GCLM: variants seen among roughly 807,000 people sequenced by gnomAD.
GCLM encodes glutamate--cysteine ligase regulatory subunit.
Under a neutral mutation model 36.0 loss-of-function variants are expected in GCLM, and 15 were observed. The observed-to-expected ratio is 0.42, with a 90% CI of 0.28 to 0.64. The LOEUF is 0.64. Ranked by LOEUF, GCLM falls within the 30% of genes least tolerant of loss-of-function variation. The pLI is 0.25. For synonymous variants in GCLM, 129 were observed against 122.8 expected, an observed-to-expected ratio of 1.05 and a Z score of -0.34; for missense variants, 242 against 325.5, an observed-to-expected ratio of 0.74 and a Z score of 1.97.
intron 3 of GCLM, among the ~76,000 whole-genome samples, chr1:93,898,948 G>A (rs1044883708): frequency 4.6e-5 from 7 of 152,016 alleles, no homozygotes; most frequent in East Asian, 1.9e-4. Context: ...TAGAAATAAC[G>A]AAGACCTATA....
In GCLM at chr1:93,909,219, A is replaced by T. The variant is rs1657271225; in HGVS notation, c.-56T>A. 2.6e-6 allele frequency: 3 copies of T among 1,136,016 alleles called. No individual in the cohort carries two copies. Among genetic ancestry groups the T allele is most frequent in the Non-Finnish European group, 3.2e-6 (3 of 929,308 alleles). 70.4% of individuals were successfully genotyped at this position (1,136,016 alleles called of 1,614,324 possible). On this transcript the variant is annotated 5_prime_UTR_variant, in exon 1 of 7. Coordinates refer to ENST00000370238, the MANE Select transcript of GCLM (RefSeq NM_002061.4). ...AGGGGCTGCGGGCGGGCGGGCAGGCAGGCGGCCGCCCCACAGGACGCGGTG... is the reference window on the plus strand; with the variant it reads ...AGGGGCTGCGGGCGGGCGGGCAGGCTGGCGGCCGCCCCACAGGACGCGGTG...
rs1465796419 is a variant in GCLM at position 93,909,152 on chromosome 1, G to T, written c.12C>A (p.Asp4Glu). 46 of 1,367,178 alleles carry T rather than the reference G, an allele frequency of 3.4e-5. No individual in the cohort carries two copies. Among genetic ancestry groups the T allele is most frequent in the Non-Finnish European group, 4.4e-5 (46 of 1,055,622 alleles). The allele number at this position is 1,367,178 out of a possible 1,614,324, so 84.7% of individuals were successfully genotyped here. ...CCAGGAGCGCCTTGGCCGCGCGGCT[G>T]TCGGTGCCCATGGCAGCGGCCGCCC... MGTDSRAAKALLAR... is the reference protein window; with the variant it reads MGTESRAAKALLAR... Residue 4 changes from aspartate (D) to glutamate (E), a missense_variant, in exon 1 of 7, where the codon GAC (aspartate) becomes GAA (glutamate). By Grantham distance (45) the Asp-to-Glu change is conservative (BLOSUM62 2). Transcript: ENST00000370238.
At position 93,889,021 on chromosome 1, in the gene GCLM, T is replaced by C; in HGVS notation, c.794A>G (p.Tyr265Cys). ...ACCCCTTCTTTTAGCTTGTAAAATG[T>C]AGCCTTTTGATTTGATAATTCCTCT... ...KSRGIIKSKG[Y>C]ILQAKRRGS The change falls in exon 7 of 7, where the codon TAC (tyrosine) becomes TGC (cysteine). Residue 265 changes from tyrosine to cysteine, a missense_variant. By Grantham distance (194) the Tyr-to-Cys change is radical. Coordinates refer to ENST00000370238, the MANE Select transcript of GCLM (RefSeq NM_002061.4). The C allele has an allele frequency of 6.3e-7, 1 of 1,598,400 alleles. No individual in the cohort carries two copies. The highest frequency in any genetic ancestry group is 8.5e-7 in the Non-Finnish European group (1 of 1,172,986).
Position 93,886,000 on chromosome 1 carries a change from AATT to A in GCLM, c.*2987_*2989del, listed in dbSNP as rs1037001067. 4 of 152,178 alleles carry A rather than the reference AATT, an allele frequency of 2.6e-5. No homozygotes were observed. The highest frequency in any genetic ancestry group is 2.6e-4 in the Admixed American group (4 of 15,280). 9.4% of individuals were successfully genotyped at this position (152,178 alleles called of 1,614,324 possible). ...AAATGATCTTTTTTGAAAAATGAAA[AATT>A]ATTAGCTATTATTTGTGATTCAATT... On this transcript the variant is annotated 3_prime_UTR_variant, in exon 7 of 7. Coordinates refer to ENST00000370238, the MANE Select transcript of GCLM (RefSeq NM_002061.4).
At chr1:93,894,511 T>C in intron 6 of GCLM, 103 bp downstream of exon 6, 1 of 670,646 alleles carries the variant, frequency 1.5e-6, no homozygotes, top group Non-Finnish European at 2.7e-6. Context: ...CAGATAACAC[T>C]GTATTTTTAT....
rs143382844 is a variant in GCLM, at chr1:93,897,865, G to A, written c.311C>T (p.Ser104Leu). 6.8e-4 allele frequency: 1,060 copies of A among 1,552,920 alleles called. 2 individuals carry two copies. The highest frequency in any genetic ancestry group is 1.3e-3 in the Admixed American group (60 of 44,998). ...CATGTCAACTGCACTTCTAGTTGAT[G>A]ATGAAGAGTTTGATTCTACAATGAA... ...KLFIVESNSS[S>L]STRSAVDMAC... Residue 104 changes from serine (S) to leucine (L), a missense_variant, in exon 4 of 7, where the codon TCA becomes TTA. By Grantham distance (145) the Ser-to-Leu change is moderately radical. Coordinates refer to ENST00000370238, the MANE Select transcript of GCLM (RefSeq NM_002061.4).
At chr1:93,892,048 ATTTG>A (rs1656555320) in intron 6 of GCLM, among the ~76,000 whole-genome samples, 2 of 152,134 alleles carry the variant, frequency 1.3e-5, no homozygotes, top group African/African-American at 2.4e-5. Flanking sequence ...ATTAATATGG[ATTTG>A]TTTATCAGAT....
At position 93,909,247 on chromosome 1, in the gene GCLM, C is replaced by T. The variant is rs1657271835; in HGVS notation, c.-84G>A. 3 of 1,097,260 alleles carry T rather than the reference C, an allele frequency of 2.7e-6. No individual in the cohort carries two copies. The highest frequency in any genetic ancestry group is 3.3e-6 in the Non-Finnish European group (3 of 904,884). 68.0% of individuals were successfully genotyped at this position (1,097,260 alleles called of 1,614,324 possible). A position where few individuals can be genotyped will look rare whatever the true frequency, so the allele number is the denominator to read the frequency against. Reference sequence around the variant, plus strand: ...CGGCCGCCCCACAGGACGCGGTGCCCGAGGCCCGAGAGAGACCCGAGAGGG... The same window carrying T: ...CGGCCGCCCCACAGGACGCGGTGCCTGAGGCCCGAGAGAGACCCGAGAGGG... On this transcript the variant is annotated 5_prime_UTR_variant, in exon 1 of 7. Coordinates refer to ENST00000370238, the MANE Select transcript of GCLM (RefSeq NM_002061.4).
At position 93,887,954 on chromosome 1, in the gene GCLM, A is replaced by G. The variant is rs1345433023; in HGVS notation, c.*1036T>C. On this transcript the variant is annotated 3_prime_UTR_variant, in exon 7 of 7. Transcript: ENST00000370238. Reference sequence around the variant, plus strand: ...AGTCTCTTTTAGCTATAAACTTTCAATTATATTATTCTGCTTTAAAATAAT... The same window carrying G: ...AGTCTCTTTTAGCTATAAACTTTCAGTTATATTATTCTGCTTTAAAATAAT... The G allele has an allele frequency of 1.3e-5, 2 of 152,218 alleles. No individual in the cohort carries two copies. The highest frequency in any genetic ancestry group is 2.9e-5 in the Non-Finnish European group (2 of 68,040). The allele number at this position is 152,218 out of a possible 1,614,324, so 9.4% of individuals were successfully genotyped here.
At chr1:93,894,775 A>C (rs370374424) in intron 5 of GCLM, 47 bp from the exon 6 acceptor site, 1 of 865,708 alleles carries the variant, frequency 1.2e-6, no homozygotes, top group African/African-American at 1.7e-5. Context: ...ATTAAATATA[A>C]TACCAAAAGT....
At chr1:93,889,242 A>T in intron 6 of GCLM, 83 bp from the exon 7 acceptor site, 1 of 853,370 alleles carries the variant, frequency 1.2e-6, no homozygotes, top group African/African-American at 1.7e-5. Flanking sequence ...TAAGCATTTA[A>T]CATAACAAAA....
intron 6 of GCLM, among the ~76,000 whole-genome samples, chr1:93,892,871 C>A (rs1440508576): frequency 9.2e-5 from 14 of 151,962 alleles, no homozygotes; most frequent in African/African-American, 2.7e-4. Context: ...CTGTTGGTAA[C>A]AATTACTGTT....
At chr1:93,907,812 T>C (rs1219027667) in intron 1 of GCLM, among the ~76,000 whole-genome samples, 1 of 152,198 alleles carries the variant, frequency 6.6e-6, no homozygotes, top group African/African-American at 2.4e-5. Flanking sequence ...AGTTCTCATC[T>C]CTTGATGGGC....
intron 5 of GCLM, among the ~76,000 whole-genome samples, chr1:93,896,202 C>A (rs1656727639): frequency 6.6e-6 from 1 of 152,014 alleles, no homozygotes; most frequent in East Asian, 1.9e-4. Flanking sequence ...ACCTCATGAT[C>A]TGCTCGCCTC....
rs142756309 is a variant in GCLM at position 93,896,737 on chromosome 1, C to T, written c.421G>A (p.Glu141Lys). ...TCCTCCCAGTAAGGCTGTAAATGCTCCAAGGAAAGATTAACTCCATCTTCA... is the reference window on the plus strand; with the variant it reads ...TCCTCCCAGTAAGGCTGTAAATGCTTCAAGGAAAGATTAACTCCATCTTCA... The part of the protein sequence containing the change: ...PIEDGVNLSL[E>K]HLQPYWEELE... The change falls in exon 5 of 7, where the codon GAG becomes AAG. Residue 141 changes from glutamate to lysine, a missense_variant. By Grantham distance (56) the Glu-to-Lys change is moderately conservative. Coordinates refer to ENST00000370238, the MANE Select transcript of GCLM (RefSeq NM_002061.4). The T allele has an allele frequency of 6.8e-6, 11 of 1,611,208 alleles. No homozygotes were observed. The highest frequency in any genetic ancestry group is 9.3e-6 in the Non-Finnish European group (11 of 1,177,512).
chr1:93,906,837 G>A (rs1657161770), intron 1 of GCLM, among the ~76,000 whole-genome samples: 1 of 152,082 alleles, frequency 6.6e-6, no homozygotes, highest in Non-Finnish European at 1.5e-5. Context: ...AGTTGTATAA[G>A]AATTTTTTAA....
chr1:93,903,920 A>G lies in GCLM; in HGVS notation c.192+603T>C, dbSNP rs1044026293. 5.3e-5 allele frequency among the ~76,000 whole-genome samples: 8 copies of G among 152,340 alleles called. No homozygotes were observed. In the South Asian group the frequency reaches 8.3e-4, roughly 16 times the overall value. On this transcript the variant is annotated intron_variant, in intron 2 of 6. Transcript: ENST00000370238. ...AACAGAGATTGATTTAAAAAAAACCATAACTCAATGTCTATATAGTAGCTA... is the reference window on the plus strand; with the variant it reads ...AACAGAGATTGATTTAAAAAAAACCGTAACTCAATGTCTATATAGTAGCTA...
intron 4 of GCLM, among the ~76,000 whole-genome samples, chr1:93,897,172 T>C (rs1326085602): frequency 1.3e-5 from 2 of 152,190 alleles, no homozygotes; most frequent in African/African-American, 2.4e-5. Flanking sequence ...TAAAATTTTC[T>C]TCTCCAGTTC....
chr1:93,909,292 C>T lies in GCLM; in HGVS notation c.-129G>A. 9.5e-7 allele frequency: 1 copy of T among 1,049,110 alleles called. No homozygotes were observed. Among genetic ancestry groups the T allele is most frequent in the Non-Finnish European group, 1.1e-6 (1 of 872,758 alleles). 65.0% of individuals were successfully genotyped at this position (1,049,110 alleles called of 1,614,324 possible). ...AGAGGGAGCGCGAGGCTGCCGGCGC[C>T]GCGCGGCTGGAGCCTGGTCTGCGCT... On this transcript the variant is annotated 5_prime_UTR_variant, in exon 1 of 7. Transcript: ENST00000370238.
Sources: allele counts gnomAD v4.1 joint callset (sites outside exome capture counted in the v4.1 genomes callset), GRCh38; gene constraint gnomAD v4.1.1; transcripts MANE v1.5; gene names NCBI Gene and HGNC (gene_info 2026-07-23, HGNC 2026-07-21).